The following SMYD3 variants were observed in gnomAD, a reference collection of about 807,000 sequenced individuals.
SMYD3 encodes SET and MYND domain containing 3, also known as histone-lysine N-methyltransferase SMYD3.
A neutral mutation model predicts 57.7 loss-of-function variants in SMYD3; 36 were observed. The ratio of observed to expected loss-of-function variants is 0.62; its 90% confidence interval spans 0.48 to 0.82. The LOEUF is 0.82. Ranked by LOEUF, SMYD3 falls within the 40% of genes least tolerant of loss-of-function variation. The pLI is 0.00. For missense variants in SMYD3, 515 were observed against 538.8 expected (o/e 0.96, Z 0.44); for synonymous variants, 211 against 195.0 (o/e 1.08, Z -0.68).
intron 1 of SMYD3, among the ~76,000 whole-genome samples, chr1:246,420,264 G>A (rs1013761162): frequency 4.0e-5 from 6 of 151,804 alleles, no homozygotes; most frequent in Admixed American, 1.3e-4. Flanking sequence ...TAAACCACTC[G>A]ATGAGGAGTT....
intron 4 of SMYD3, among the ~76,000 whole-genome samples, chr1:246,327,918 G>A (rs574568233): frequency 6.6e-6 from 1 of 152,306 alleles, no homozygotes; most frequent in South Asian, 2.1e-4. Flanking sequence ...AAGGAGCCTG[G>A]CGCCGTGACT....
chr1:246,041,025 A>T (rs1169585439), intron 5 of SMYD3, among the ~76,000 whole-genome samples: 1 of 152,232 alleles, frequency 6.6e-6, no homozygotes, highest in Non-Finnish European at 1.5e-5. Flanking sequence ...CCATAAGATT[A>T]TAATACTGTA....
chr1:246,101,208 AT>A (rs1252994574), intron 5 of SMYD3, among the ~76,000 whole-genome samples: 1 of 150,996 alleles, frequency 6.6e-6, no homozygotes, highest in African/African-American at 2.4e-5. Context: ...GCCAAATATA[AT>A]TTTTTATGTG....
chr1:245,965,678 A>G (rs1415161266), intron 5 of SMYD3, among the ~76,000 whole-genome samples: 1 of 152,238 alleles, frequency 6.6e-6, no homozygotes. Flanking sequence ...ATTATGGAAA[A>G]GGCGAAAGTA....
chr1:246,247,729 C>T (rs144128285), intron 5 of SMYD3, among the ~76,000 whole-genome samples: 37 of 152,000 alleles, frequency 2.4e-4, no homozygotes, highest in African/African-American at 8.9e-4. Context: ...TAAATAGAAA[C>T]GACAGTTAAC....
intron 1 of SMYD3, among the ~76,000 whole-genome samples, chr1:246,380,956 G>A (rs529043420): frequency 1.3e-5 from 2 of 152,270 alleles, no homozygotes; most frequent in East Asian, 3.9e-4. Context: ...TCAGATGGAT[G>A]CTCAATTCGC....
At chr1:245,915,914 T>C (rs537080585) in intron 7 of SMYD3, among the ~76,000 whole-genome samples, 63 of 152,250 alleles carry the variant, frequency 4.1e-4, no homozygotes, top group Non-Finnish European at 7.4e-4. Context: ...TGTATCTTAG[T>C]TTTTTTCACT....
At chr1:246,384,785 T>C (rs1381514012) in intron 1 of SMYD3, among the ~76,000 whole-genome samples, 1 of 152,186 alleles carries the variant, frequency 6.6e-6, no homozygotes, top group Non-Finnish European at 1.5e-5. Context: ...AGAAAAATTA[T>C]AATGGGAAAC....
At chr1:246,014,063 G>A (rs998975080) in intron 5 of SMYD3, among the ~76,000 whole-genome samples, 1 of 152,220 alleles carries the variant, frequency 6.6e-6, no homozygotes, top group Non-Finnish European at 1.5e-5. Flanking sequence ...GGTGGCTCAC[G>A]CCTGTAATCC....
chr1:245,998,078 G>A (rs2058967704), intron 5 of SMYD3, among the ~76,000 whole-genome samples: 1 of 152,226 alleles, frequency 6.6e-6, no homozygotes, highest in African/African-American at 2.4e-5. Context: ...ACCAGGGCCT[G>A]CCAACACCTG....
chr1:245,895,312 A>C (rs1221226575), intron 8 of SMYD3, among the ~76,000 whole-genome samples: 1 of 152,188 alleles, frequency 6.6e-6, no homozygotes, highest in Non-Finnish European at 1.5e-5. Context: ...ACGCACACGC[A>C]CGCACACACT....
At chr1:246,461,267 G>A (rs1486915827) in intron 1 of SMYD3, among the ~76,000 whole-genome samples, 1 of 146,788 alleles carries the variant, frequency 6.8e-6, no homozygotes, top group African/African-American at 2.5e-5. Context: ...TGAAATTAGT[G>A]GAAATTAGTG....
chr1:246,501,107 C>A (rs1047876306), intron 1 of SMYD3, among the ~76,000 whole-genome samples: 2 of 152,184 alleles, frequency 1.3e-5, no homozygotes, highest in African/African-American at 4.8e-5. Flanking sequence ...AGTTGCTTGA[C>A]CTTCAGGGCC....
chr1:245,857,559 G>C (rs1265573781), intron 10 of SMYD3, among the ~76,000 whole-genome samples: 7 of 152,222 alleles, frequency 4.6e-5, no homozygotes, highest in Non-Finnish European at 1.5e-5. Context: ...CTGCAAAGCT[G>C]GGAAATTAAA....
intron 2 of SMYD3, among the ~76,000 whole-genome samples, chr1:246,343,346 A>G (rs2065660910): frequency 6.6e-6 from 1 of 152,236 alleles, no homozygotes; most frequent in African/African-American, 2.4e-5. Context: ...TTTCCTCAAA[A>G]CAAGTAATTA....
chr1:246,085,784 A>AG, intron 5 of SMYD3, among the ~76,000 whole-genome samples: 1 of 152,184 alleles, frequency 6.6e-6, no homozygotes, highest in South Asian at 2.1e-4. Context: ...ATTTTATTAG[A>AG]GGGGGTCCCA....
At chr1:246,498,877 C>T (rs1484231283) in intron 1 of SMYD3, among the ~76,000 whole-genome samples, 2 of 152,038 alleles carry the variant, frequency 1.3e-5, no homozygotes, top group Non-Finnish European at 2.9e-5. Flanking sequence ...CAGCCTTGAC[C>T]TCCTAGGCTC....
At chr1:245,816,038 A>C (rs1267619924) in intron 10 of SMYD3, among the ~76,000 whole-genome samples, 1 of 152,240 alleles carries the variant, frequency 6.6e-6, no homozygotes, top group Non-Finnish European at 1.5e-5. Context: ...CTGTGACCGA[A>C]TATGGGCCAC....
chr1:245,838,804 A>G (rs536863733), intron 10 of SMYD3, among the ~76,000 whole-genome samples: 1 of 152,344 alleles, frequency 6.6e-6, no homozygotes, highest in East Asian at 1.9e-4. Context: ...ATTACTCTAT[A>G]AATCTGTAAT....
Sources: gnomAD v4.1 joint callset for allele counts (sites outside exome capture counted in the v4.1 genomes callset) on GRCh38, gnomAD v4.1.1 for gene constraint, MANE v1.5 for transcripts, NCBI Gene and HGNC (gene_info 2026-07-23, HGNC 2026-07-21) for gene names.